Variants in AP3M2 observed in about 807,000 individuals in gnomAD.
AP3M2 encodes AP-3 complex subunit mu-2.
Under a neutral mutation model 41.6 loss-of-function variants are expected in AP3M2, and 28 were observed. The ratio of observed to expected loss-of-function variants is 0.67; its 90% CI spans 0.50 to 0.92. The LOEUF (loss-of-function observed/expected upper bound fraction) is 0.92, where lower values mean the gene tolerates loss of function less well. AP3M2 is among the 40% of genes least tolerant of loss of function. AP3M2 has a pLI of 0.00. For missense variants in AP3M2, 427 were observed against 521.4 expected (o/e 0.82, Z 1.76); for synonymous variants, 193 against 186.4 (o/e 1.04, Z -0.29).
intron 4 of AP3M2, among the ~76,000 whole-genome samples, chr8:42,162,789 G>C (rs1392147614): frequency 6.6e-6 from 1 of 151,102 alleles, no homozygotes; most frequent in African/African-American, 2.4e-5. Context: ...CACAAAAAGT[G>C]AAAAAAATTA....
rs572308526 is a variant in AP3M2 at position 42,171,131 on chromosome 8, T to A, written c.*2070T>A. On this transcript the variant is annotated 3_prime_UTR_variant, in exon 9 of 9. Transcript: ENST00000396926. The stretch of plus-strand genomic sequence containing the variant: ...TGTTTGGTTCCATGTGTGTTTAACA[T>A]GTGCAGAAGTAGCTTCTCTGTTTAA... 5 of 152,362 alleles carry A rather than the reference T, an allele frequency of 3.3e-5. No homozygotes were observed. Among genetic ancestry groups the A allele is most frequent in the African/African-American group, 1.2e-4 (5 of 41,592 alleles). The allele number at this position is 152,362 out of a possible 1,614,324, so 9.4% of individuals were successfully genotyped here.
At chr8:42,168,903 C>T (rs1344193076) in intron 8 of AP3M2, 58 bp from the exon 9 acceptor site, 31 of 1,332,952 alleles carry the variant, frequency 2.3e-5, no homozygotes, top group African/African-American at 3.0e-5. Context: ...AACAGTTAGG[C>T]GACCTGCTCC....
intron 3 of AP3M2, among the ~76,000 whole-genome samples, chr8:42,160,126 A>G (rs1489475826): frequency 6.6e-6 from 1 of 152,236 alleles, no homozygotes; most frequent in African/African-American, 2.4e-5. Flanking sequence ...CTCAAAGGAA[A>G]TGCTCATTGG....
At chr8:42,156,723 C>T (rs190847080) in intron 2 of AP3M2, among the ~76,000 whole-genome samples, 109 of 152,042 alleles carry the variant, frequency 7.2e-4, no homozygotes, top group Middle Eastern at 3.4e-3. Flanking sequence ...GGATAATTGA[C>T]GTTATCTAAT....
chr8:42,164,711 G>A (rs1804593964), intron 4 of AP3M2, among the ~76,000 whole-genome samples: 1 of 152,192 alleles, frequency 6.6e-6, no homozygotes, highest in Non-Finnish European at 1.5e-5. Context: ...AGGGAGAACA[G>A]TTTCTGATAG....
chr8:42,164,473 T>C (rs1804586508), intron 4 of AP3M2, among the ~76,000 whole-genome samples: 3 of 151,732 alleles, frequency 2.0e-5, no homozygotes, highest in Admixed American at 2.0e-4. Flanking sequence ...TGAAAGAAAA[T>C]AGAAGTTCAG....
chr8:42,167,839 A>G (rs1416523691), intron 8 of AP3M2, 29 bp downstream of exon 8: 4 of 1,584,634 alleles, frequency 2.5e-6, no homozygotes, highest in Non-Finnish European at 2.6e-6. Flanking sequence ...AAGAGGCTCC[A>G]AAGGGAACAA....
rs1219185846 is a variant in AP3M2 at position 42,170,794 on chromosome 8, A to G, written c.*1733A>G. 1 of 152,216 alleles carries G rather than the reference A, an allele frequency of 6.6e-6. No homozygotes were observed. The highest frequency in any genetic ancestry group is 1.5e-5 in the Non-Finnish European group (1 of 68,032). The allele number at this position is 152,216 out of a possible 1,614,324, so 9.4% of individuals were successfully genotyped here. A position where few individuals can be genotyped will look rare whatever the true frequency, so the allele number is the denominator to read the frequency against. ...AAGCATCTCTGCCTGTGGATTCTCA[A>G]GTACTTGGAAGCACCTCTCCTGAGG... On this transcript the variant is annotated 3_prime_UTR_variant, in exon 9 of 9. Transcript: ENST00000396926.
chr8:42,162,943 C>CAAAAAAAAAAAAAAAAAAAAAAAAAAAA, intron 4 of AP3M2, among the ~76,000 whole-genome samples: 1 of 54,224 alleles, frequency 1.8e-5, no homozygotes, highest in Non-Finnish European at 3.5e-5. Context: ...GACCCTGTCT[C>CAAAAAAAAAAAAAAAAAAAAAAAAAAAA]AAAAAAAAAA....
Position 42,154,638 on chromosome 8 carries a change from G to T in AP3M2, c.-50G>T. ...TAGAGTTGAAAACTTACAGAGTCCT[G>T]AGGCTTTCAGACTGAAAAAGGCTTT... On this transcript the variant is annotated 5_prime_UTR_variant, in exon 2 of 9. Coordinates refer to ENST00000396926, the MANE Select transcript of AP3M2 (RefSeq NM_006803.4). 1 of 1,599,144 alleles carries T rather than the reference G, an allele frequency of 6.3e-7. No homozygotes were observed. The highest frequency in any genetic ancestry group is 8.5e-7 in the Non-Finnish European group (1 of 1,174,112).
intron 6 of AP3M2, among the ~76,000 whole-genome samples, chr8:42,166,612 T>TAAAAAAAAAAAAA (rs1404448805): frequency 6.5e-4 from 55 of 84,244 alleles, no homozygotes; most frequent in African/African-American, 8.3e-4. Context: ...AAAAAAAAAG[T>TAAAAAAAAAAAAA]AAAAATTAGC....
chr8:42,158,887 A>G (rs3924346), intron 3 of AP3M2, among the ~76,000 whole-genome samples: 73,232 of 151,082 alleles, frequency 0.48, 18,210 homozygotes, highest in African/African-American at 0.61. Context: ...TCCGCCTCCC[A>G]GGCTCAAGCG....
At chr8:42,167,536 A>G in intron 7 of AP3M2, 130 bp from the exon 8 acceptor site, 2 of 1,377,564 alleles carry the variant, frequency 1.5e-6, no homozygotes, top group Non-Finnish European at 2.0e-6. Flanking sequence ...CTCAATGGAA[A>G]GATACCCAGA....
chr8:42,163,450 TC>T (rs1399320396), intron 4 of AP3M2, among the ~76,000 whole-genome samples: 7 of 152,158 alleles, frequency 4.6e-5, no homozygotes, highest in Non-Finnish European at 1.0e-4. Flanking sequence ...AGAAGTTAAG[TC>T]TAGTGAGGGA....
chr8:42,162,683 G>A (rs560172767), intron 4 of AP3M2, among the ~76,000 whole-genome samples: 39 of 152,098 alleles, frequency 2.6e-4, no homozygotes, highest in African/African-American at 8.4e-4. Flanking sequence ...AGTGACTCAC[G>A]CCTGTAATCC....
rs1231975201 is a variant in AP3M2 at position 42,170,006 on chromosome 8, G to C, written c.*945G>C. 1 of 152,162 alleles carries C rather than the reference G, an allele frequency of 6.6e-6. No individual in the cohort carries two copies. The highest frequency in any genetic ancestry group is 2.4e-5 in the African/African-American group (1 of 41,430). The allele number at this position is 152,162 out of a possible 1,614,324, so 9.4% of individuals were successfully genotyped here. ...AGCCGATCCCATAATCCCCAGTGCA[G>C]CCAGGGTTTGTGTGTCATCGTACTG... On this transcript the variant is annotated 3_prime_UTR_variant, in exon 9 of 9. Transcript: ENST00000396926.
intron 4 of AP3M2, among the ~76,000 whole-genome samples, chr8:42,162,943 CAAAAAAAAAAAAA>C (rs67923954): frequency 0.035 from 1,921 of 54,230 alleles, 52 homozygotes; most frequent in South Asian, 0.11. Flanking sequence ...GACCCTGTCT[CAAAAAAAAAAAAA>C]AAAAAAAAAA....
chr8:42,163,145 G>C (rs1309940188), intron 4 of AP3M2, among the ~76,000 whole-genome samples: 1 of 152,040 alleles, frequency 6.6e-6, no homozygotes, highest in Non-Finnish European at 1.5e-5. Context: ...GTAGAAGCCA[G>C]TCATGATGGT....
At chr8:42,166,702 G>A (rs1804647881) in intron 6 of AP3M2, among the ~76,000 whole-genome samples, 1 of 151,760 alleles carries the variant, frequency 6.6e-6, no homozygotes, top group African/African-American at 2.4e-5. Flanking sequence ...GGTATGTCGA[G>A]GCTGCAGTGA....
Sources: gnomAD v4.1 joint callset for allele counts (sites outside exome capture counted in the v4.1 genomes callset) on GRCh38, gnomAD v4.1.1 for gene constraint, MANE v1.5 for transcripts, NCBI Gene and HGNC (gene_info 2026-07-23, HGNC 2026-07-21) for gene names.